TSPAN9: variants seen among roughly 807,000 people sequenced by gnomAD.
TSPAN9 encodes the protein tetraspanin-9.
A neutral mutation model predicts 31.0 loss-of-function variants in TSPAN9; 16 were observed. The ratio of observed to expected loss-of-function variants is 0.52; its 90% CI spans 0.35 to 0.78. The LOEUF is 0.78. Among genes scored for constraint, TSPAN9 ranks in the 30% least tolerant of loss-of-function variants. The pLI, the probability that TSPAN9 is intolerant of heterozygous loss-of-function variation, is 0.01. For synonymous variants in TSPAN9, 145 were observed against 121.6 expected (o/e 1.19, Z -1.27); for missense variants, 272 against 312.5 (o/e 0.87, Z 0.98).
intron 3 of TSPAN9, among the ~76,000 whole-genome samples, chr12:3,261,611 G>A (rs952260319): frequency 2.0e-5 from 3 of 152,172 alleles, no homozygotes; most frequent in African/African-American, 4.8e-5. Flanking sequence ...TGTGACTCGG[G>A]GCATGCATGA....
intron 2 of TSPAN9, among the ~76,000 whole-genome samples, chr12:3,104,373 G>C (rs1244271955): frequency 4.0e-5 from 6 of 151,856 alleles, no homozygotes; most frequent in African/African-American, 1.5e-4. Context: ...GTTGTTTTGA[G>C]GTAGGGTCTC....
Position 3,239,633 on chromosome 12 carries a change from T to C in TSPAN9, c.63+38377T>C, listed in dbSNP as rs183600541. ...AGTCTCTTTGCCGGGTCTGCTGAGC[T>C]TTCATTTGGTCTGAACTGGGTAGAG... On this transcript the variant is annotated intron_variant, in intron 3 of 8. Transcript: ENST00000011898. Among the ~76,000 whole-genome samples the C allele has an allele frequency of 3.7e-3, 557 of 152,312 alleles. 3 individuals carry two copies. Among genetic ancestry groups the C allele is most frequent in the African/African-American group, 0.013 (534 of 41,566 alleles).
At chr12:3,089,237 A>G (rs1466344801) in intron 2 of TSPAN9, among the ~76,000 whole-genome samples, 5 of 150,636 alleles carry the variant, frequency 3.3e-5, no homozygotes, top group Non-Finnish European at 4.4e-5. Context: ...ATCTCAAAAA[A>G]GAAAAAAAAA....
At position 3,191,215 on chromosome 12, in the gene TSPAN9, A is replaced by C. The variant is rs146773867; in HGVS notation, c.-17-9962A>C. On this transcript the variant is annotated intron_variant, in intron 2 of 8. Coordinates refer to ENST00000011898, the MANE Select transcript of TSPAN9 (RefSeq NM_006675.5). ...TATAGGAGAGGGAGTTGCTGAGAGG[A>C]GTGGGGTGGGCAAGCACCTGTACAG... is the stretch of plus-strand genomic sequence containing the variant. Among the ~76,000 whole-genome samples, 640 of 152,140 alleles carry C rather than the reference A, an allele frequency of 4.2e-3. 4 individuals are homozygous for C. Among genetic ancestry groups the C allele is most frequent in the African/African-American group, 0.014 (601 of 41,508 alleles).
intron 1 of TSPAN9, among the ~76,000 whole-genome samples, chr12:3,081,991 CTG>C (rs1488348550): frequency 2.6e-5 from 4 of 151,438 alleles, no homozygotes; most frequent in African/African-American, 9.7e-5. Context: ...AGCGAGAATT[CTG>C]TCTCTTAAAA....
chr12:3,135,085 A>G (rs1222501775), intron 2 of TSPAN9, among the ~76,000 whole-genome samples: 1 of 152,066 alleles, frequency 6.6e-6, no homozygotes, highest in Non-Finnish European at 1.5e-5. Flanking sequence ...TTGGGGCAAC[A>G]CTATTAATTG....
chr12:3,281,396 T>C lies in TSPAN9; in HGVS notation c.564+67T>C. 2.0e-6 allele frequency: 3 copies of C among 1,477,824 alleles called. 1 individual carries two copies. The highest frequency in any genetic ancestry group is 4.0e-4 in the Middle Eastern group (2 of 4,994). The allele number at this position is 1,477,824 out of a possible 1,614,324, so 91.5% of individuals were successfully genotyped here. A position where few individuals can be genotyped will look rare whatever the true frequency, so the allele number is the denominator to read the frequency against. On this transcript the variant is annotated intron_variant, in intron 7 of 8. Transcript: ENST00000011898. ...GTGGATGCCCCGGCACGGGGAGCCC[T>C]ATAGGGGAGGCTGGGCCCGGGACAC...
intron 2 of TSPAN9, among the ~76,000 whole-genome samples, chr12:3,099,072 ATTG>A (rs2098310577): frequency 6.6e-6 from 1 of 152,174 alleles, no homozygotes; most frequent in East Asian, 1.9e-4. Flanking sequence ...TCTTAACTGC[ATTG>A]TTTTAGCAAA....
chr12:3,266,783 C>T (rs1355373782), intron 3 of TSPAN9, among the ~76,000 whole-genome samples: 6 of 152,256 alleles, frequency 3.9e-5, no homozygotes, highest in East Asian at 1.9e-4. Context: ...CGTGGGTGGA[C>T]GCGGCTCCCG....
chr12:3,102,453 T>TTTTTTTTAA (rs2098312293), intron 2 of TSPAN9, among the ~76,000 whole-genome samples: 1 of 150,662 alleles, frequency 6.6e-6, no homozygotes, highest in African/African-American at 2.4e-5. Context: ...TTTTTTTTTT[T>TTTTTTTTAA]AGACAGAGTC....
In TSPAN9 at chr12:3,280,835, C is replaced by T. The variant is rs1361730437; in HGVS notation, c.432+352C>T. On this transcript the variant is annotated intron_variant, in intron 6 of 8. Transcript: ENST00000011898. The surrounding 1 kb of genome is among the most constrained non-coding windows in gnomAD (Gnocchi z 4.5). ...GAGAACAAGTCCATAGTCCCAGATGCTCCCATTTTAAGCCCTGGGGAGGGG... is the reference window on the plus strand; with the variant it reads ...GAGAACAAGTCCATAGTCCCAGATGTTCCCATTTTAAGCCCTGGGGAGGGG... 1.3e-5 allele frequency among the ~76,000 whole-genome samples: 2 copies of T among 152,170 alleles called. No homozygotes were observed. The highest frequency in any genetic ancestry group is 2.9e-5 in the Non-Finnish European group (2 of 68,032).
intron 3 of TSPAN9, among the ~76,000 whole-genome samples, chr12:3,210,719 C>T (rs1591679503): frequency 6.8e-6 from 1 of 148,134 alleles, no homozygotes; most frequent in Non-Finnish European, 1.5e-5. Context: ...TTAAGAAATA[C>T]ATGCTATCTC....
intron 3 of TSPAN9, among the ~76,000 whole-genome samples, chr12:3,254,338 C>G (rs1303739791): frequency 6.6e-6 from 1 of 152,218 alleles, no homozygotes; most frequent in East Asian, 1.9e-4. Flanking sequence ...CCCACCCCCT[C>G]AATGCTGAGG....
At chr12:3,145,794 G>T (rs79328962) in intron 2 of TSPAN9, among the ~76,000 whole-genome samples, 14,947 of 152,294 alleles carry the variant, frequency 0.098, 796 homozygotes, top group Middle Eastern at 0.13. Flanking sequence ...GACCATTTGG[G>T]GTGTCAGGCT....
intron 2 of TSPAN9, among the ~76,000 whole-genome samples, chr12:3,197,339 T>C (rs1399311048): frequency 6.6e-6 from 1 of 152,010 alleles, no homozygotes; most frequent in Non-Finnish European, 1.5e-5. Flanking sequence ...CAAAAGGCAT[T>C]AGCCATGCCA....
intron 2 of TSPAN9, among the ~76,000 whole-genome samples, chr12:3,189,524 G>T (rs1196999977): frequency 2.6e-5 from 4 of 152,168 alleles, no homozygotes; most frequent in Non-Finnish European, 4.4e-5. Flanking sequence ...ACAGGAGGCA[G>T]CCCAGTCACG....
chr12:3,082,280 GC>G (rs751664070), intron 1 of TSPAN9, among the ~76,000 whole-genome samples: 59 of 152,354 alleles, frequency 3.9e-4, no homozygotes, highest in Admixed American at 1.8e-3. Context: ...TCAGCCTGGG[GC>G]TAGGCACTGA....
chr12:3,177,403 C>A (rs981910738), intron 2 of TSPAN9, among the ~76,000 whole-genome samples: 1 of 150,038 alleles, frequency 6.7e-6, no homozygotes, highest in Non-Finnish European at 1.5e-5. Context: ...TCCCCAAGTG[C>A]TGGGATTACA....
At chr12:3,283,003 C>T (rs753151350) in intron 8 of TSPAN9, 42 bp from the exon 9 acceptor site, 1 of 1,598,754 alleles carries the variant, frequency 6.3e-7, no homozygotes, top group Non-Finnish European at 8.5e-7. Context: ...CAGGTCCAGG[C>T]TGCTGCAGCT....
Sources: gnomAD v4.1 joint callset for allele counts (sites outside exome capture counted in the v4.1 genomes callset) on GRCh38, gnomAD v4.1.1 for gene constraint, Gnocchi (gnomAD v3.1) non-coding constraint, MANE v1.5 for transcripts, NCBI Gene and HGNC (gene_info 2026-07-23, HGNC 2026-07-21) for gene names.